The following ZBTB46 variants were observed in gnomAD, a reference collection of about 807,000 sequenced individuals.
The protein encoded by ZBTB46 is zinc finger and BTB domain-containing protein 46.
ZBTB46 carries 8 observed loss-of-function variants against 44.1 expected under a neutral mutation model. The ratio of observed to expected loss-of-function variants is 0.18; its 90% CI spans 0.11 to 0.33. The LOEUF is 0.33. ZBTB46 is among the 10% of genes least tolerant of loss of function. The pLI is 1.00. For synonymous variants in ZBTB46, 409 were observed against 382.3 expected (o/e 1.07, Z -0.81); for missense variants, 651 against 847.7 (o/e 0.77, Z 2.88).
chr20:63,780,219 C>T (rs931610955), intron 2 of ZBTB46, among the ~76,000 whole-genome samples: 2 of 150,256 alleles, frequency 1.3e-5, no homozygotes, highest in African/African-American at 4.9e-5. Flanking sequence ...TGCGGTGAGC[C>T]GAGATCACAC....
At chr20:63,823,497 C>CA (rs1022466907) in intron 1 of ZBTB46, among the ~76,000 whole-genome samples, 2 of 128,584 alleles carry the variant, frequency 1.6e-5, no homozygotes, top group Middle Eastern at 3.5e-3. Flanking sequence ...GACCCTGTCT[C>CA]AAAAAAATAA....
rs76498493 is a variant in ZBTB46 at position 63,753,806 on chromosome 20, G to A, written c.1223-945C>T. Among the ~76,000 whole-genome samples, 887 of 152,346 alleles carry A rather than the reference G, an allele frequency of 5.8e-3. 10 individuals are homozygous for A. The highest frequency in any genetic ancestry group is 0.02 in the African/African-American group (844 of 41,574). ...GAACACATCATAATTAATTAAACAG[G>A]CACTACTGCTGAACACGTTTCTGTG... On this transcript the variant is annotated intron_variant, in intron 3 of 4. Transcript: ENST00000245663.
intron 3 of ZBTB46, among the ~76,000 whole-genome samples, chr20:63,755,319 G>T (rs555361960): frequency 6.6e-6 from 1 of 152,244 alleles, no homozygotes; most frequent in Non-Finnish European, 1.5e-5. Context: ...AGAGATCAAG[G>T]CATCAGCACG....
In ZBTB46 at chr20:63,803,412, T is replaced by A. The variant is rs1454598013; in HGVS notation, c.-33-12622A>T. ...AACACTCCAAGACATGTTAGCAGAGTCGTCTTTCGACAGCGAGACCGGTGG... is the reference window on the plus strand; with the variant it reads ...AACACTCCAAGACATGTTAGCAGAGACGTCTTTCGACAGCGAGACCGGTGG... On this transcript the variant is annotated intron_variant, in intron 1 of 4. Transcript: ENST00000245663. The surrounding 1 kb of genome is among the most constrained non-coding windows in gnomAD (Gnocchi z 4.0). The A allele has an allele frequency of 2.4e-5, 24 of 985,198 alleles. No homozygotes were observed. Among genetic ancestry groups the A allele is most frequent in the Non-Finnish European group, 2.9e-5 (24 of 829,914 alleles). 61.0% of individuals were successfully genotyped at this position (985,198 alleles called of 1,614,324 possible).
At position 63,779,144 on chromosome 20, in the gene ZBTB46, G is replaced by T. The variant is rs1033038625; in HGVS notation, c.938-3182C>A. 7.0e-4 allele frequency among the ~76,000 whole-genome samples: 106 copies of T among 152,310 alleles called. 1 individual carries two copies. Among genetic ancestry groups the T allele is most frequent in the Non-Finnish European group, 5.9e-5 (4 of 68,024 alleles). Reference sequence around the variant, plus strand: ...CCTCCCCAGACGCAGCCACACGGGGGCTGGGGTTTCAACACATGAGTGTGG... The same window carrying T: ...CCTCCCCAGACGCAGCCACACGGGGTCTGGGGTTTCAACACATGAGTGTGG... On this transcript the variant is annotated intron_variant, in intron 2 of 4. Transcript: ENST00000245663.
chr20:63,754,505 A>G (rs938823398), intron 3 of ZBTB46, among the ~76,000 whole-genome samples: 4 of 152,112 alleles, frequency 2.6e-5, no homozygotes, highest in African/African-American at 9.7e-5. Context: ...CATGTTGCCC[A>G]GGCTGGTCTT....
At chr20:63,795,647 C>A (rs1240694142) in intron 1 of ZBTB46, among the ~76,000 whole-genome samples, 1 of 152,210 alleles carries the variant, frequency 6.6e-6, no homozygotes, top group Admixed American at 6.5e-5. Flanking sequence ...CCCGGGTGCT[C>A]CCACCCATCG....
At chr20:63,766,977 C>T (rs953761337) in intron 3 of ZBTB46, among the ~76,000 whole-genome samples, 7 of 152,208 alleles carry the variant, frequency 4.6e-5, no homozygotes, top group African/African-American at 1.7e-4. Flanking sequence ...CTCCTGAGCC[C>T]ACCTGCTGCT....
In ZBTB46 at chr20:63,808,997, A is replaced by T. The variant is rs562780217; in HGVS notation, c.-33-18207T>A. 6.8e-3 allele frequency among the ~76,000 whole-genome samples: 989 copies of T among 145,194 alleles called. 6 individuals are homozygous for T. The highest frequency in any genetic ancestry group is 0.022 in the African/African-American group (869 of 39,028). ...GCTTCAAAAAAAAAAAAAAAAAAAA[A>T]AAGAAAAAGAAAAAAAAAAAAGAAA... On this transcript the variant is annotated intron_variant, in intron 1 of 4. Transcript: ENST00000245663.
chr20:63,778,082 G>A (rs1041991436), intron 2 of ZBTB46, among the ~76,000 whole-genome samples: 5 of 152,226 alleles, frequency 3.3e-5, no homozygotes, highest in Middle Eastern at 3.4e-3. Context: ...CTGAGCCGAG[G>A]AAAATGTTCT....
intron 2 of ZBTB46, among the ~76,000 whole-genome samples, chr20:63,783,920 T>C (rs2092491203): frequency 6.6e-6 from 1 of 152,110 alleles, no homozygotes; most frequent in Non-Finnish European, 1.5e-5. Flanking sequence ...AGGCGAAACA[T>C]TGTTCAGGAG....
chr20:63,815,975 C>G, intron 1 of ZBTB46, among the ~76,000 whole-genome samples: 1 of 117,760 alleles, frequency 8.5e-6, no homozygotes, highest in Non-Finnish European at 1.7e-5. Context: ...GGTGCAGGTA[C>G]AGTGGGCGCA....
intron 1 of ZBTB46, among the ~76,000 whole-genome samples, chr20:63,795,058 G>A (rs1310760774): frequency 6.6e-6 from 1 of 152,220 alleles, no homozygotes; most frequent in African/African-American, 2.4e-5. Context: ...ACCCGCGGCT[G>A]CACTGATGTC....
In ZBTB46 at chr20:63,745,838, G is replaced by C. The variant is rs528841896; in HGVS notation, c.*1092C>G. 4 of 152,576 alleles carry C rather than the reference G, an allele frequency of 2.6e-5. No homozygotes were observed. The highest frequency in any genetic ancestry group is 9.6e-5 in the African/African-American group (4 of 41,598). 9.5% of individuals were successfully genotyped at this position (152,576 alleles called of 1,614,324 possible). On this transcript the variant is annotated 3_prime_UTR_variant, in exon 5 of 5. Coordinates refer to ENST00000245663, the MANE Select transcript of ZBTB46 (RefSeq NM_001369741.1). The stretch of plus-strand genomic sequence containing the variant: ...TTTCACTCAGGAAAAGAAAGAACAT[G>C]TGAGTGCTTCTGAAAACACAGCAAG...
At chr20:63,766,756 A>G (rs1282212500) in intron 3 of ZBTB46, among the ~76,000 whole-genome samples, 1 of 152,100 alleles carries the variant, frequency 6.6e-6, no homozygotes, top group Non-Finnish European at 1.5e-5. Flanking sequence ...CAGGAACATA[A>G]AGGAACATAA....
chr20:63,759,749 A>G (rs879745490), intron 3 of ZBTB46, among the ~76,000 whole-genome samples: 1 of 152,074 alleles, frequency 6.6e-6, no homozygotes, highest in African/African-American at 2.4e-5. Flanking sequence ...AGTCATCATG[A>G]TTTCACAATT....
At position 63,744,596 on chromosome 20, in the gene ZBTB46, T is replaced by G; in HGVS notation, c.*2334A>C. ...AAAATCAGTCACATAAAAAAAACCC[T>G]TCATGACATGTCTTTTCCCTCCACG... On this transcript the variant is annotated 3_prime_UTR_variant, in exon 5 of 5. Coordinates refer to ENST00000245663, the MANE Select transcript of ZBTB46 (RefSeq NM_001369741.1). 6.6e-6 allele frequency: 1 copy of G among 152,408 alleles called. No individual in the cohort carries two copies. The highest frequency in any genetic ancestry group is 1.9e-4 in the East Asian group (1 of 5,326). 9.4% of individuals were successfully genotyped at this position (152,408 alleles called of 1,614,324 possible).
intron 3 of ZBTB46, among the ~76,000 whole-genome samples, chr20:63,763,527 G>A (rs2092294421): frequency 6.6e-6 from 1 of 152,168 alleles, no homozygotes; most frequent in African/African-American, 2.4e-5. Context: ...GCAAGACGGA[G>A]GGTCATGGGG....
chr20:63,831,425 C>A (rs1488995446), upstream of ZBTB46, among the ~76,000 whole-genome samples: 1 of 143,738 alleles, frequency 7.0e-6, no homozygotes, highest in Non-Finnish European at 1.5e-5. Flanking sequence ...CACGCCGGCC[C>A]GGCCGCCGGC....
Sources: allele counts gnomAD v4.1 joint callset (sites outside exome capture counted in the v4.1 genomes callset), GRCh38; gene constraint gnomAD v4.1.1; non-coding constraint Gnocchi (gnomAD v3.1); transcripts MANE v1.5; gene names NCBI Gene and HGNC (gene_info 2026-07-23, HGNC 2026-07-21).